The following ERICH3 variants were observed in gnomAD, a reference collection of about 807,000 sequenced individuals.
The protein encoded by ERICH3 is glutamate rich 3.
A neutral mutation model predicts 131.1 loss-of-function variants in ERICH3; 126 were observed. The observed-to-expected ratio is 0.96, with a 90% CI of 0.83 to 1.11. The LOEUF is 1.11. Among genes scored for constraint, ERICH3 ranks in the 50% most tolerant of loss-of-function variants. The pLI, the probability that ERICH3 is intolerant of heterozygous loss-of-function variation, is 0.00. For synonymous variants in ERICH3, 695 were observed against 644.6 expected (o/e 1.08, Z -1.18); for missense variants, 2,050 against 1,810.7 (o/e 1.13, Z -2.40).
chr1:74,599,617 C>T (rs970284102), intron 11 of ERICH3, 78 bp downstream of exon 11: 5 of 1,186,346 alleles, frequency 4.2e-6, no homozygotes, highest in Non-Finnish European at 5.9e-6. Flanking sequence ...AGGATTATCT[C>T]ATTAAATAGA....
chr1:74,649,076 T>C (rs1359199694), intron 2 of ERICH3, 146 bp downstream of exon 2: 2 of 547,714 alleles, frequency 3.7e-6, no homozygotes, highest in African/African-American at 1.9e-5. Flanking sequence ...CAACCTCAAA[T>C]ACATAAATCA....
intron 8 of ERICH3, 71 bp downstream of exon 8, chr1:74,620,663 A>G (rs900305570): frequency 6.2e-6 from 8 of 1,293,252 alleles, no homozygotes; most frequent in Admixed American, 5.1e-5. Context: ...TCATTTTGAT[A>G]TTATATCAAC....
At chr1:74,579,365 G>A in intron 12 of ERICH3, 1 of 981,304 alleles carries the variant, frequency 1.0e-6, no homozygotes, top group Non-Finnish European at 1.2e-6. Context: ...ACTATAAGAA[G>A]CCAAACAATA....
chr1:74,572,202 T>C lies in ERICH3; in HGVS notation c.3508A>G (p.Ile1170Val), dbSNP rs1198983215. The change falls in exon 14 of 15, where the codon ATA becomes GTA. Residue 1170 changes from isoleucine to valine, a missense_variant. Transcript: ENST00000326665. ...TPGFEKSLEN[I>V]TALRKEGGGE... Reference sequence around the variant, plus strand: ...CCTCCTTCTTTCCTCAGAGCTGTTATGTTTTCCAGCGACTTTTCAAATCCA... The same window carrying C: ...CCTCCTTCTTTCCTCAGAGCTGTTACGTTTTCCAGCGACTTTTCAAATCCA... 7.4e-6 allele frequency: 12 copies of C among 1,614,208 alleles called. No homozygotes were observed. The highest frequency in any genetic ancestry group is 2.2e-5 in the South Asian group (2 of 91,090).
At chr1:74,627,894 C>T (rs111597666) in intron 7 of ERICH3, among the ~76,000 whole-genome samples, 4,214 of 152,158 alleles carry the variant, frequency 0.028, 199 homozygotes, top group African/African-American at 0.097. Context: ...CCATAAAATA[C>T]ACACAAATCT....
At chr1:74,634,590 T>C (rs1187480712) in intron 6 of ERICH3, 1 of 692,210 alleles carries the variant, frequency 1.4e-6, no homozygotes, top group Non-Finnish European at 2.7e-6. Flanking sequence ...TTGATGGTGT[T>C]CACATGTCTA....
Position 74,572,381 on chromosome 1 carries a change from C to G in ERICH3, c.3329G>C (p.Arg1110Thr). 2 of 1,613,816 alleles carry G rather than the reference C, an allele frequency of 1.2e-6. No homozygotes were observed. Among genetic ancestry groups the G allele is most frequent in the South Asian group, 2.2e-5 (2 of 91,078 alleles). Residue 1110 changes from arginine to threonine, a missense_variant, in exon 14 of 15, where the codon AGA becomes ACA. Arg to Thr is a moderately conservative substitution (Grantham distance 71). Transcript: ENST00000326665. ...AEEGETETEV[R>T]AEEETKAPPN... ...GGGAGCTTTTGTCTCTTCCTCAGCTCTTACTTCTGTCTCTGTTTCCCCTTC... is the reference window on the plus strand; with the variant it reads ...GGGAGCTTTTGTCTCTTCCTCAGCTGTTACTTCTGTCTCTGTTTCCCCTTC...
intron 7 of ERICH3, among the ~76,000 whole-genome samples, chr1:74,630,064 G>A (rs1557691478): frequency 2.0e-5 from 3 of 152,138 alleles, no homozygotes; most frequent in Admixed American, 6.6e-5. Context: ...TATGGCTTGT[G>A]AGACATTTAA....
At chr1:74,641,563 C>A in intron 4 of ERICH3, 104 bp from the exon 5 acceptor site, 2 of 1,310,198 alleles carry the variant, frequency 1.5e-6, no homozygotes, top group East Asian at 2.6e-5. Flanking sequence ...AATTCTTTCT[C>A]ATTTCTTCCA....
chr1:74,590,795 C>G (rs1647558183), intron 11 of ERICH3, among the ~76,000 whole-genome samples: 1 of 152,138 alleles, frequency 6.6e-6, no homozygotes, highest in Admixed American at 6.5e-5. Context: ...GAAAACCTAT[C>G]AAATCAATGG....
chr1:74,582,951 A>T (rs1257522136), intron 12 of ERICH3, among the ~76,000 whole-genome samples: 1 of 151,946 alleles, frequency 6.6e-6, no homozygotes, highest in Non-Finnish European at 1.5e-5. Context: ...TTCTGTGCTT[A>T]TTTTGTTTCT....
intron 12 of ERICH3, chr1:74,578,649 C>G (rs1329167381): frequency 6.6e-6 from 1 of 151,558 alleles, no homozygotes; most frequent in Non-Finnish European, 1.5e-5. Flanking sequence ...CTTTCCTTTC[C>G]CTTCTTTTTC....
rs796968214 is a variant in ERICH3 at position 74,600,935 on chromosome 1, T to G, written c.1490-1004A>C. Among the ~76,000 whole-genome samples the G allele has an allele frequency of 3.3e-5, 5 of 151,824 alleles. 1 individual carries two copies. Among genetic ancestry groups the G allele is most frequent in the African/African-American group, 1.2e-4 (5 of 41,498 alleles). ...AGGGGGGCCTCTCGGGTAATTTACT[T>G]GAGAGCTGTCCACCCAGTGAAAGAA... On this transcript the variant is annotated intron_variant, in intron 10 of 14. Transcript: ENST00000326665.
At chr1:74,582,591 A>G (rs1647198333) in intron 12 of ERICH3, among the ~76,000 whole-genome samples, 1 of 152,172 alleles carries the variant, frequency 6.6e-6, no homozygotes, top group African/African-American at 2.4e-5. Context: ...ATGTTAATGT[A>G]GAAACTTAGA....
At chr1:74,605,596 A>G (rs1470484865) in intron 10 of ERICH3, among the ~76,000 whole-genome samples, 1 of 151,686 alleles carries the variant, frequency 6.6e-6, no homozygotes, top group Non-Finnish European at 1.5e-5. Context: ...CCTAATTTCA[A>G]TACTGTTGTG....
intron 1 of ERICH3, among the ~76,000 whole-genome samples, chr1:74,650,090 T>C (rs1646519918): frequency 6.6e-6 from 1 of 152,206 alleles, no homozygotes; most frequent in Non-Finnish European, 1.5e-5. Flanking sequence ...AATAAAGATA[T>C]GATTTTGTTT....
chr1:74,654,482 A>AT (rs1484895897), intron 1 of ERICH3, among the ~76,000 whole-genome samples: 1 of 151,938 alleles, frequency 6.6e-6, no homozygotes, highest in Non-Finnish European at 1.5e-5. Context: ...AACAAACACT[A>AT]TTTTTGGAGG....
chr1:74,665,052 G>A (rs1242410222), intron 1 of ERICH3, among the ~76,000 whole-genome samples: 2 of 152,050 alleles, frequency 1.3e-5, no homozygotes, highest in South Asian at 4.2e-4. Context: ...TTAGGAGATG[G>A]GTTCTTTAGG....
chr1:74,645,324 C>G (rs1427252499), intron 3 of ERICH3, among the ~76,000 whole-genome samples: 1 of 151,890 alleles, frequency 6.6e-6, no homozygotes, highest in Non-Finnish European at 1.5e-5. Flanking sequence ...GCAGTATTAG[C>G]AAGGAGCATC....
Sources: allele counts gnomAD v4.1 joint callset (sites outside exome capture counted in the v4.1 genomes callset), GRCh38; gene constraint gnomAD v4.1.1; transcripts MANE v1.5; gene names NCBI Gene and HGNC (gene_info 2026-07-23, HGNC 2026-07-21).